TENM2: variants seen among roughly 807,000 people sequenced by gnomAD.
TENM2 encodes teneurin-2.
A neutral mutation model predicts 245.2 loss-of-function variants in TENM2; 52 were observed. The ratio of observed to expected loss-of-function variants is 0.21; its 90% CI spans 0.17 to 0.27. The LOEUF is 0.27. Among genes scored for constraint, TENM2 ranks in the 10% least tolerant of loss-of-function variants. The probability of loss-of-function intolerance (pLI) is 1.00; values close to 1 mark genes in which losing one functional copy is unlikely to be tolerated. For synonymous variants in TENM2, 1,363 were observed against 1,438.9 expected (o/e 0.95, Z 1.19); for missense variants, 3,046 against 3,666.8 (o/e 0.83, Z 4.37).
At chr5:167,161,360 G>T in the TENM2 span, among the ~76,000 whole-genome samples, 1 of 152,156 alleles carries the variant, frequency 6.6e-6, no homozygotes, top group Admixed American at 6.5e-5. Context: ...AGCAAATTAG[G>T]TCTAAATATC....
chr5:167,438,096 TCTA>T (rs1209495457), intron 2 of TENM2, among the ~76,000 whole-genome samples: 2 of 152,164 alleles, frequency 1.3e-5, no homozygotes, highest in Admixed American at 1.3e-4. Flanking sequence ...TAAAATATAG[TCTA>T]CTATGAACTA....
intron 3 of TENM2, among the ~76,000 whole-genome samples, chr5:167,917,532 C>G (rs546359688): frequency 1.1e-4 from 16 of 152,144 alleles, no homozygotes; most frequent in African/African-American, 3.9e-4. Context: ...TAATGACAGC[C>G]TGGAGGAGGA....
chr5:168,250,598 C>A (rs1174360410), intron 27 of TENM2, among the ~76,000 whole-genome samples: 1 of 152,190 alleles, frequency 6.6e-6, no homozygotes, highest in East Asian at 1.9e-4. Context: ...TAAAGATCAA[C>A]TGTGGCCATG....
chr5:168,123,083 G>A (rs1795583912), intron 10 of TENM2, among the ~76,000 whole-genome samples: 1 of 151,810 alleles, frequency 6.6e-6, no homozygotes, highest in South Asian at 2.1e-4. Flanking sequence ...GATTGCTTGA[G>A]CCCAGGAGTT....
At chr5:167,058,817 G>A in the TENM2 span, among the ~76,000 whole-genome samples, 1 of 152,172 alleles carries the variant, frequency 6.6e-6, no homozygotes, top group African/African-American at 2.4e-5. Flanking sequence ...AAAGTGCACA[G>A]CTCATCTTAC....
chr5:167,458,342 C>G (rs1766047674), intron 2 of TENM2, among the ~76,000 whole-genome samples: 1 of 151,080 alleles, frequency 6.6e-6, no homozygotes. Flanking sequence ...CAAAAATTAG[C>G]TGGGTGTGGT....
intron 4 of TENM2, among the ~76,000 whole-genome samples, chr5:167,957,135 A>G (rs1780623030): frequency 6.6e-6 from 1 of 151,964 alleles, no homozygotes; most frequent in African/African-American, 2.4e-5. Context: ...GCTATTAATT[A>G]CTGCCTCAAT....
intron 2 of TENM2, among the ~76,000 whole-genome samples, chr5:167,504,873 C>A (rs983190826): frequency 6.6e-6 from 1 of 152,162 alleles, no homozygotes; most frequent in Non-Finnish European, 1.5e-5. Flanking sequence ...CTCTTCTCTT[C>A]TTTCTCCTGC....
intron 2 of TENM2, among the ~76,000 whole-genome samples, chr5:167,657,711 T>C (rs2150311828): frequency 6.6e-6 from 1 of 152,340 alleles, no homozygotes; most frequent in South Asian, 2.1e-4. Flanking sequence ...TACTAAACTC[T>C]CTCACTGGGC....
At chr5:167,499,168 A>T (rs1769013573) in intron 2 of TENM2, among the ~76,000 whole-genome samples, 1 of 152,000 alleles carries the variant, frequency 6.6e-6, no homozygotes, top group Non-Finnish European at 1.5e-5. Flanking sequence ...TACTGCTGTG[A>T]TATGTCCTTG....
At chr5:167,815,426 A>G (rs1766969691) in intron 2 of TENM2, among the ~76,000 whole-genome samples, 1 of 152,136 alleles carries the variant, frequency 6.6e-6, no homozygotes. Flanking sequence ...ACCAAGCACC[A>G]TTATTCTCAT....
chr5:168,079,832 CA>C (rs1318194417), intron 7 of TENM2, among the ~76,000 whole-genome samples: 1 of 152,098 alleles, frequency 6.6e-6, no homozygotes, highest in African/African-American at 2.4e-5. Flanking sequence ...TTCGGTTTGC[CA>C]GTATTTTATT....
chr5:168,165,548 G>C lies in TENM2; in HGVS notation c.2569+2791G>C, dbSNP rs563760588. 1.3e-4 allele frequency among the ~76,000 whole-genome samples: 17 copies of C among 128,558 alleles called. No individual in the cohort carries two copies. The East Asian group carries it at 4.4e-3, about 34-fold the overall frequency. 84.3% of individuals were successfully genotyped at this position (128,558 alleles called of 152,430 possible). On this transcript the variant is annotated intron_variant, in intron 13 of 28. Coordinates refer to ENST00000518659, the Ensembl canonical transcript of TENM2. ...CTACCCCTGATCCCAGCTTCCACCC[G>C]GCCAAAACCAAAATCCTGAAGTGAT...
intron 2 of TENM2, among the ~76,000 whole-genome samples, chr5:167,488,239 C>G (rs1172514406): frequency 6.6e-6 from 1 of 152,092 alleles, no homozygotes; most frequent in Non-Finnish European, 1.5e-5. Context: ...ATCCCACTTT[C>G]TCTGCTAAAA....
chr5:167,765,285 G>A (rs932702491), intron 2 of TENM2, among the ~76,000 whole-genome samples: 3 of 152,148 alleles, frequency 2.0e-5, no homozygotes, highest in Admixed American at 2.0e-4. Context: ...GGCAAATGCA[G>A]GGATGTGTTT....
At chr5:167,518,878 G>A (rs1770574298) in intron 2 of TENM2, among the ~76,000 whole-genome samples, 1 of 152,042 alleles carries the variant, frequency 6.6e-6, no homozygotes, top group African/African-American at 2.4e-5. Flanking sequence ...AGGCTTCTTG[G>A]GCCTTGAGAA....
chr5:167,891,315 A>T lies in TENM2; in HGVS notation c.712+15120A>T, dbSNP rs1774739128. On this transcript the variant is annotated intron_variant, in intron 3 of 28. Transcript: ENST00000518659. ...GTTTGAGACAGAGTCTCCCTCTGTCACACAGGCTGGAGTGCAGTGGTGCAA... is the reference window on the plus strand; with the variant it reads ...GTTTGAGACAGAGTCTCCCTCTGTCTCACAGGCTGGAGTGCAGTGGTGCAA... Among the ~76,000 whole-genome samples the T allele has an allele frequency of 2.0e-5, 3 of 152,160 alleles. No individual in the cohort carries two copies. In the South Asian group the frequency reaches 6.2e-4, roughly 31 times the overall value.
chr5:167,861,471 G>T (rs917928167), intron 2 of TENM2, among the ~76,000 whole-genome samples: 6 of 152,192 alleles, frequency 3.9e-5, no homozygotes, highest in Admixed American at 2.0e-4. Flanking sequence ...GAGCCTAAGA[G>T]CCAAGCCTTA....
intron 2 of TENM2, among the ~76,000 whole-genome samples, chr5:167,815,742 G>A (rs796523738): frequency 3.3e-5 from 5 of 152,028 alleles, no homozygotes; most frequent in African/African-American, 1.2e-4. Flanking sequence ...TTGGAAAAGG[G>A]TGGGAGAGTC....
Sources: allele counts gnomAD v4.1 joint callset (sites outside exome capture counted in the v4.1 genomes callset), GRCh38; gene constraint gnomAD v4.1.1; transcripts MANE v1.5; gene names NCBI Gene and HGNC (gene_info 2026-07-23, HGNC 2026-07-21).